The following NR3C2 variants were observed in gnomAD, a reference collection of about 807,000 sequenced individuals.
NR3C2 encodes nuclear receptor subfamily 3 group C member 2.
Under a neutral mutation model 86.4 loss-of-function variants are expected in NR3C2, and 15 were observed. The ratio of observed to expected loss-of-function variants is 0.17; its 90% CI spans 0.12 to 0.27. NR3C2 has a LOEUF of 0.27. NR3C2 is among the 10% of genes least tolerant of loss of function. The pLI is 1.00. For missense variants in NR3C2, 960 were observed against 1,195.6 expected (o/e 0.80, Z 2.91); for synonymous variants, 458 against 450.5 (o/e 1.02, Z -0.21).
At chr4:148,261,856 C>T (rs1740140001) in intron 2 of NR3C2, among the ~76,000 whole-genome samples, 1 of 152,324 alleles carries the variant, frequency 6.6e-6, no homozygotes. Context: ...ACTATACTCT[C>T]ACGAAAAACA....
rs1196511587 is a variant in NR3C2, at chr4:148,435,479, A to C, written c.1382T>G (p.Met461Arg). 1.2e-6 allele frequency: 2 copies of C among 1,614,104 alleles called. No individual in the cohort carries two copies. The highest frequency in any genetic ancestry group is 2.7e-5 in the African/African-American group (2 of 74,940). The change falls in exon 2 of 9, where the codon ATG becomes AGG. Residue 461 changes from methionine (M) to arginine (R), a missense_variant. Physicochemically the swap from Met to Arg is moderately conservative, Grantham distance 91. This residue lies in a region of NR3C2 where 680 missense variants were observed against 719.0 expected (regional missense o/e 0.95). Coordinates refer to ENST00000358102, the MANE Select transcript of NR3C2 (RefSeq NM_000901.5). ...TAGGGAATAATAGTCTTTATCATCCATAAAGGAAAAATACGAGCCATCCAT... is the reference window on the plus strand; with the variant it reads ...TAGGGAATAATAGTCTTTATCATCCCTAAAGGAAAAATACGAGCCATCCAT... The part of the protein sequence containing the change: ...PFMDGSYFSF[M>R]DDKDYYSLSG...
intron 2 of NR3C2, among the ~76,000 whole-genome samples, chr4:148,351,897 C>G (rs186129076): frequency 2.6e-4 from 40 of 152,228 alleles, no homozygotes; most frequent in Admixed American, 1.8e-3. Context: ...CCATTCTGTT[C>G]TTAAGCCTTG....
intron 8 of NR3C2, among the ~76,000 whole-genome samples, chr4:148,102,318 ACATCTGCAG>A (rs1731575780): frequency 1.3e-5 from 2 of 152,132 alleles, no homozygotes; most frequent in Admixed American, 6.5e-5. Context: ...GCCGCCTCCC[ACATCTGCAG>A]CAGCAGGCTG....
At chr4:148,322,013 G>C (rs1191166509) in intron 2 of NR3C2, among the ~76,000 whole-genome samples, 3 of 152,246 alleles carry the variant, frequency 2.0e-5, no homozygotes, top group East Asian at 1.9e-4. Flanking sequence ...GCAGCGGCTG[G>C]TACTGGTTGT....
intron 2 of NR3C2, among the ~76,000 whole-genome samples, chr4:148,329,779 G>A (rs1028782160): frequency 2.6e-5 from 4 of 152,190 alleles, no homozygotes; most frequent in South Asian, 2.1e-4. Context: ...CTTGAATTCC[G>A]AACAATTCTA....
At chr4:148,412,258 A>G (rs935081240) in intron 2 of NR3C2, among the ~76,000 whole-genome samples, 4 of 152,160 alleles carry the variant, frequency 2.6e-5, no homozygotes, top group African/African-American at 9.7e-5. Flanking sequence ...CATTCTTTGC[A>G]GGGAGGGGTG....
In NR3C2 at chr4:148,232,002, G is replaced by A. The variant is rs112488882; in HGVS notation, c.1897+27976C>T. Among the ~76,000 whole-genome samples, 1,372 of 152,162 alleles carry A rather than the reference G, an allele frequency of 9.0e-3. 21 individuals carry two copies. Among genetic ancestry groups the A allele is most frequent in the African/African-American group, 0.031 (1,276 of 41,520 alleles). On this transcript the variant is annotated intron_variant, in intron 3 of 8. Coordinates refer to ENST00000358102, the MANE Select transcript of NR3C2 (RefSeq NM_000901.5). ...GTCCACTTCTATTTCTAGTTCTCTT[G>A]CTATTTCTACCACATCTGCAGTTAC...
chr4:148,114,843 G>A (rs1008842397), intron 7 of NR3C2, among the ~76,000 whole-genome samples: 2 of 152,264 alleles, frequency 1.3e-5, no homozygotes, highest in African/African-American at 4.8e-5. Context: ...AAAGACATTC[G>A]GGGGAACTGG....
At chr4:148,265,762 A>G (rs1216755937) in intron 2 of NR3C2, among the ~76,000 whole-genome samples, 1 of 152,178 alleles carries the variant, frequency 6.6e-6, no homozygotes, top group Non-Finnish European at 1.5e-5. Flanking sequence ...GGAGGACCAT[A>G]TAAACAGCAG....
rs1032475208 is a variant in NR3C2 at position 148,436,403 on chromosome 4, G to C, written c.458C>G (p.Thr153Ser). The change falls in exon 2 of 9, where the codon ACT (threonine) becomes AGT (serine). Residue 153 changes from threonine (T) to serine (S), a missense_variant. Thr to Ser is a moderately conservative substitution (Grantham distance 58). Around this residue, in one of 4 missense-constraint regions of NR3C2, gnomAD observed 680 missense variants for 719.0 expected, o/e 0.95. Transcript: ENST00000358102. ...CAAGGGCGTGTTCACACAACTTAGA[G>C]TGGAAGGACGATGGCCATTTCCTTT... ...FYKGNGHRPS[T>S]LSCVNTPLRS... 6.2e-7 allele frequency: 1 copy of C among 1,614,070 alleles called. No individual in the cohort carries two copies. Among genetic ancestry groups the C allele is most frequent in the Admixed American group, 1.7e-5 (1 of 60,006 alleles).
chr4:148,152,003 A>G (rs1382186736), intron 6 of NR3C2, among the ~76,000 whole-genome samples: 1 of 152,222 alleles, frequency 6.6e-6, no homozygotes, highest in East Asian at 1.9e-4. Context: ...GATGGCAAAG[A>G]AGGGTAATTA....
Position 148,206,779 on chromosome 4 carries a change from G to C in NR3C2, c.1898-11917C>G, listed in dbSNP as rs146850398. Among the ~76,000 whole-genome samples the C allele has an allele frequency of 2.1e-3, 324 of 152,268 alleles. 2 individuals carry two copies. The highest frequency in any genetic ancestry group is 6.9e-3 in the African/African-American group (287 of 41,554). ...GACTGAGAAGGGCAGGGTTGGAGAA[G>C]GGACTAGATCATAAGTGTGCTGGAG... On this transcript the variant is annotated intron_variant, in intron 3 of 8. Transcript: ENST00000358102.
At chr4:148,215,237 C>A (rs1737471260) in intron 3 of NR3C2, among the ~76,000 whole-genome samples, 1 of 152,214 alleles carries the variant, frequency 6.6e-6, no homozygotes, top group African/African-American at 2.4e-5. Context: ...TTGGGATTCA[C>A]AGCTAGATGC....
chr4:148,199,404 T>C (rs1319417365), intron 3 of NR3C2, among the ~76,000 whole-genome samples: 1 of 152,212 alleles, frequency 6.6e-6, no homozygotes, highest in Non-Finnish European at 1.5e-5. Flanking sequence ...CCCAAGACTA[T>C]AGGCATGGGA....
At chr4:148,297,824 G>T (rs548803990) in intron 2 of NR3C2, among the ~76,000 whole-genome samples, 2 of 152,034 alleles carry the variant, frequency 1.3e-5, no homozygotes, top group East Asian at 3.9e-4. Flanking sequence ...GGGAGGCGGA[G>T]GTTGCAGTGA....
At chr4:148,376,145 C>CAAAAAAAAAAA (rs70962716) in intron 2 of NR3C2, among the ~76,000 whole-genome samples, 2 of 105,840 alleles carry the variant, frequency 1.9e-5, no homozygotes, top group Non-Finnish European at 3.8e-5. Flanking sequence ...AGGAGTAAGG[C>CAAAAAAAAAAA]AAAAAAAAAA....
chr4:148,338,142 T>C (rs965385781), intron 2 of NR3C2, among the ~76,000 whole-genome samples: 2 of 152,164 alleles, frequency 1.3e-5, no homozygotes, highest in Admixed American at 1.3e-4. Context: ...ATTGTTATTA[T>C]TTAGGAATAG....
chr4:148,163,672 C>G (rs1419843301), intron 4 of NR3C2, among the ~76,000 whole-genome samples: 1 of 144,206 alleles, frequency 6.9e-6, no homozygotes, highest in Non-Finnish European at 1.5e-5. Flanking sequence ...AAAAAACACT[C>G]TTTGGTTTCT....
chr4:148,371,595 T>C (rs1429199386), intron 2 of NR3C2, among the ~76,000 whole-genome samples: 2 of 151,158 alleles, frequency 1.3e-5, no homozygotes, highest in East Asian at 3.9e-4. Context: ...TCCCTTTAAA[T>C]GTAGTGTCTA....
Sources: allele counts gnomAD v4.1 joint callset (sites outside exome capture counted in the v4.1 genomes callset), GRCh38; gene constraint gnomAD v4.1.1; regional missense constraint gnomAD v4.1.1; transcripts MANE v1.5; gene names NCBI Gene and HGNC (gene_info 2026-07-23, HGNC 2026-07-21).